Variants in STEAP2 observed in about 807,000 individuals in gnomAD.
STEAP2 encodes the protein STEAP2 metalloreductase.
Under a neutral mutation model 46.4 loss-of-function variants are expected in STEAP2, and 30 were observed. The observed-to-expected ratio is 0.65, with a 90% CI of 0.48 to 0.88. The LOEUF is 0.88. Ranked by LOEUF, STEAP2 falls within the 40% of genes least tolerant of loss-of-function variation. The pLI, the probability that STEAP2 is intolerant of heterozygous loss-of-function variation, is 0.00. For synonymous variants in STEAP2, 180 were observed against 200.5 expected (o/e 0.90, Z 0.86); for missense variants, 513 against 579.3 (o/e 0.89, Z 1.18).
chr7:90,233,927 A>T lies in STEAP2; in HGVS notation c.*1303A>T. On this transcript the variant is annotated 3_prime_UTR_variant, in exon 6 of 6. Transcript: ENST00000394621. ...TATTACTGCTTGTAGGGTAATTCAC[A>T]GTTACTTACCCTATTCTTGCTTGGA... The T allele has an allele frequency of 1.5e-5, 15 of 985,370 alleles. No homozygotes were observed. The highest frequency in any genetic ancestry group is 1.8e-5 in the Non-Finnish European group (15 of 829,896). 61.0% of individuals were successfully genotyped at this position (985,370 alleles called of 1,614,324 possible). A position where few individuals can be genotyped will look rare whatever the true frequency, so the allele number is the denominator to read the frequency against.
At position 90,232,348 on chromosome 7, in the gene STEAP2, A is replaced by C. The variant is rs747356311; in HGVS notation, c.1197A>C (p.Gly399=). 3.1e-6 allele frequency: 5 copies of C among 1,602,012 alleles called. No individual in the cohort carries two copies. In the South Asian group the frequency reaches 5.6e-5, roughly 18 times the overall value. ...TCTCCTGGCCCAAGTCTACACTTGGATATGTCGCTCTGCTCATAAGTACTT... is the reference window on the plus strand; with the variant it reads ...TCTCCTGGCCCAAGTCTACACTTGGCTATGTCGCTCTGCTCATAAGTACTT... ...REFSFIQSTL[G]YVALLISTFH... is the part of the protein sequence containing the mutation. The change falls in exon 6 of 6, where the codon GGA becomes GGC. Residue 399 remains glycine, a synonymous_variant. Transcript: ENST00000394621.
At chr7:90,222,989 T>C (rs1453967329) in intron 2 of STEAP2, among the ~76,000 whole-genome samples, 1 of 152,214 alleles carries the variant, frequency 6.6e-6, no homozygotes, top group Non-Finnish European at 1.5e-5. Flanking sequence ...ATTTCGACAC[T>C]AATTCATGGC....
At chr7:90,230,847 GTTT>G (rs561205263) in intron 5 of STEAP2, among the ~76,000 whole-genome samples, 1 of 143,372 alleles carries the variant, frequency 7.0e-6, no homozygotes, top group African/African-American at 2.5e-5. Context: ...TTATTTGCTT[GTTT>G]TTTTTTTTAA....
At chr7:90,231,231 A>C (rs1215390945) in intron 5 of STEAP2, among the ~76,000 whole-genome samples, 1 of 151,326 alleles carries the variant, frequency 6.6e-6, no homozygotes, top group African/African-American at 2.4e-5. Context: ...TTCTTAATAA[A>C]CTCTATATTT....
At chr7:90,225,704 A>C (rs1795461421) in intron 3 of STEAP2, 130 bp downstream of exon 3, 3 of 1,057,712 alleles carry the variant, frequency 2.8e-6, no homozygotes, top group Non-Finnish European at 4.0e-6. Context: ...AATTATGAGC[A>C]CCTGAAGATT....
Position 90,225,171 on chromosome 7 carries a change from A to G in STEAP2, c.89A>G (p.Lys30Arg). Reference protein sequence around the residue: ...NGINGIKDARKVTVGVIGSGD... With the variant: ...NGINGIKDARRVTVGVIGSGD... Reference sequence around the variant, plus strand: ...ATAAATGGTATCAAAGATGCAAGGAAGGTCACTGTAGGTGTGATTGGAAGT... The same window carrying G: ...ATAAATGGTATCAAAGATGCAAGGAGGGTCACTGTAGGTGTGATTGGAAGT... The change falls in exon 3 of 6, where the codon AAG (lysine) becomes AGG (arginine). Residue 30 changes from lysine (K) to arginine (R), a missense_variant. By Grantham distance (26) the Lys-to-Arg change is conservative (BLOSUM62 2). Coordinates refer to ENST00000394621, the MANE Select transcript of STEAP2 (RefSeq NM_001244944.2). The G allele has an allele frequency of 6.2e-7, 1 of 1,613,982 alleles. No individual in the cohort carries two copies. Among genetic ancestry groups the G allele is most frequent in the Non-Finnish European group, 8.5e-7 (1 of 1,179,932 alleles).
At chr7:90,216,836 G>C (rs991449334) in intron 2 of STEAP2, among the ~76,000 whole-genome samples, 14 of 152,146 alleles carry the variant, frequency 9.2e-5, no homozygotes, top group African/African-American at 3.4e-4. Context: ...ACAATTAAGT[G>C]AAAACTGGGT....
In STEAP2 at chr7:90,235,046, C is replaced by A. The variant is rs1008571769; in HGVS notation, c.*2422C>A. 7.3e-6 allele frequency: 7 copies of A among 953,374 alleles called. No homozygotes were observed. In the African/African-American group the frequency reaches 1.2e-4, roughly 17 times the overall value. The allele number at this position is 953,374 out of a possible 1,614,324, so 59.1% of individuals were successfully genotyped here. On this transcript the variant is annotated 3_prime_UTR_variant, in exon 6 of 6. Coordinates refer to ENST00000394621, the MANE Select transcript of STEAP2 (RefSeq NM_001244944.2). ...TCAATATTTTCTTATTCCTTAAATT[C>A]CACTCTTTTAACACTATGCTTAACC...
rs1299252920 is a variant in STEAP2 at position 90,233,508 on chromosome 7, A to G, written c.*884A>G. On this transcript the variant is annotated 3_prime_UTR_variant, in exon 6 of 6. Transcript: ENST00000394621. ...GCACCTTAACCAGTCACCACTTGCTATGGTATAGGATTATACTGATGTTCT... is the reference window on the plus strand; with the variant it reads ...GCACCTTAACCAGTCACCACTTGCTGTGGTATAGGATTATACTGATGTTCT... 2.0e-6 allele frequency: 2 copies of G among 985,406 alleles called. No individual in the cohort carries two copies. 61.0% of individuals were successfully genotyped at this position (985,406 alleles called of 1,614,324 possible).
chr7:90,219,268 C>T (rs75874286), intron 2 of STEAP2, among the ~76,000 whole-genome samples: 2 of 151,962 alleles, frequency 1.3e-5, no homozygotes, highest in Non-Finnish European at 2.9e-5. Context: ...GTTTGGGTAC[C>T]TTTTATTCTT....
In STEAP2 at chr7:90,236,151, C is replaced by T; in HGVS notation, c.*3527C>T. On this transcript the variant is annotated 3_prime_UTR_variant, in exon 6 of 6. Transcript: ENST00000394621. ...CTTAATTCTTCTAAATTACCACTTG[C>T]CATTAAGCTATTTCATAATAAATTC... 1.5e-6 allele frequency: 1 copy of T among 687,952 alleles called. No homozygotes were observed. The highest frequency in any genetic ancestry group is 6.8e-5 in the South Asian group (1 of 14,722). 42.6% of individuals were successfully genotyped at this position (687,952 alleles called of 1,614,324 possible). A position where few individuals can be genotyped will look rare whatever the true frequency, so the allele number is the denominator to read the frequency against.
intron 2 of STEAP2, among the ~76,000 whole-genome samples, chr7:90,217,729 T>C (rs930433268): frequency 2.8e-5 from 4 of 142,146 alleles, no homozygotes; most frequent in Non-Finnish European, 6.1e-5. Context: ...AAAAAAAACA[T>C]GTGAGGACGG....
Position 90,235,037 on chromosome 7 carries a change from C to G in STEAP2, c.*2413C>G, listed in dbSNP as rs1795914450. Reference sequence around the variant, plus strand: ...AGCGTATTTTCAATATTTTCTTATTCCTTAAATTCCACTCTTTTAACACTA... The same window carrying G: ...AGCGTATTTTCAATATTTTCTTATTGCTTAAATTCCACTCTTTTAACACTA... On this transcript the variant is annotated 3_prime_UTR_variant, in exon 6 of 6. Transcript: ENST00000394621. The G allele has an allele frequency of 4.2e-5, 40 of 953,238 alleles. No individual in the cohort carries two copies. The highest frequency in any genetic ancestry group is 4.7e-5 in the Non-Finnish European group (38 of 800,636). 59.0% of individuals were successfully genotyped at this position (953,238 alleles called of 1,614,324 possible).
At chr7:90,242,634 G>A (rs1021456512), downstream of STEAP2, among the ~76,000 whole-genome samples, 5 of 152,156 alleles carry the variant, frequency 3.3e-5, no homozygotes, top group African/African-American at 1.2e-4. Context: ...GTCTCCTTTC[G>A]ATGTGGTTTA....
At chr7:90,224,947 G>GA (rs1795414340) in intron 2 of STEAP2, 103 bp from the exon 3 acceptor site, 7 of 946,928 alleles carry the variant, frequency 7.4e-6, no homozygotes, top group Non-Finnish European at 3.1e-6. Context: ...TTAAAGTGTG[G>GA]TGAAATATTT....
intron 1 of STEAP2, among the ~76,000 whole-genome samples, chr7:90,213,345 A>C (rs895520379): frequency 6.6e-6 from 1 of 152,208 alleles, no homozygotes; most frequent in Non-Finnish European, 1.5e-5. Flanking sequence ...GGTGAAGACA[A>C]ATTTTTAAAG....
chr7:90,213,408 G>A (rs1470348543), intron 1 of STEAP2, among the ~76,000 whole-genome samples: 1 of 152,194 alleles, frequency 6.6e-6, no homozygotes, highest in Non-Finnish European at 1.5e-5. Flanking sequence ...CCAAAAATGT[G>A]AAAGAGTAAG....
At position 90,221,643 on chromosome 7, in the gene STEAP2, C is replaced by T. The variant is rs918453165; in HGVS notation, c.-33-3407C>T. Among the ~76,000 whole-genome samples, 21 of 152,136 alleles carry T rather than the reference C, an allele frequency of 1.4e-4. No individual in the cohort carries two copies. The South Asian group carries it at 1.7e-3, about 12-fold the overall frequency. On this transcript the variant is annotated intron_variant, in intron 2 of 5. Transcript: ENST00000394621. ...ATTCAACAATGAAAACTTCCCAAGT[C>T]TAGTGAGAGATGTAGACACCCGGAT...
chr7:90,229,742 T>G (rs1795658181), intron 4 of STEAP2, 130 bp from the exon 5 acceptor site: 6 of 1,396,768 alleles, frequency 4.3e-6, no homozygotes, highest in Admixed American at 2.8e-5. Context: ...TAATGGTTTG[T>G]TAGACTAAAT....
Sources: gnomAD v4.1 joint callset for allele counts (sites outside exome capture counted in the v4.1 genomes callset) on GRCh38, gnomAD v4.1.1 for gene constraint, MANE v1.5 for transcripts, NCBI Gene and HGNC (gene_info 2026-07-23, HGNC 2026-07-21) for gene names.